Variants in NCF2 observed in about 807,000 individuals in gnomAD.
The protein encoded by NCF2 is neutrophil cytosolic factor 2.
Under a neutral mutation model 70.9 loss-of-function variants are expected in NCF2, and 45 were observed. That is an observed-to-expected ratio of 0.63 (90% CI 0.50 to 0.81). NCF2 has a LOEUF of 0.81. Ranked by LOEUF, NCF2 falls within the 40% of genes least tolerant of loss-of-function variation. NCF2 has a pLI of 0.00. For synonymous variants in NCF2, 203 were observed against 233.6 expected, an observed-to-expected ratio of 0.87 and a Z score of 1.19; for missense variants, 522 against 631.6, an observed-to-expected ratio of 0.83 and a Z score of 1.86.
chr1:183,567,242 C>G lies in NCF2; in HGVS notation c.817G>C (p.Gly273Arg). 4 of 1,614,174 alleles carry G rather than the reference C, an allele frequency of 2.5e-6. No homozygotes were observed. Among genetic ancestry groups the G allele is most frequent in the Non-Finnish European group, 3.4e-6 (4 of 1,180,024 alleles). ...ATGACCGTGGCCCAGTTATCATTGC[C>G]CTTCTTCAAGACAAAGACAATGTTC... ...PGNIVFVLKK[G>R]NDNWATVMFN... Residue 273 changes from glycine (G) to arginine (R), a missense_variant, in exon 8 of 15, where the codon GGC becomes CGC. Gly to Arg is a moderately radical substitution (Grantham distance 125). Transcript: ENST00000367535.
At chr1:183,598,677 G>T in the NCF2 span, among the ~76,000 whole-genome samples, 15 of 152,168 alleles carry the variant, frequency 9.9e-5, no homozygotes, top group Admixed American at 3.9e-4. Flanking sequence ...GGTGGAGATG[G>T]TGTCATTTTC....
At chr1:183,571,493 T>C (rs113692133) in intron 5 of NCF2, among the ~76,000 whole-genome samples, 15 of 152,318 alleles carry the variant, frequency 9.8e-5, no homozygotes, top group African/African-American at 3.1e-4. Context: ...TGCCTCTCTC[T>C]AATTCCAAAA....
At chr1:183,594,898 C>T (rs372755563), upstream of NCF2, among the ~76,000 whole-genome samples, 2 of 152,106 alleles carry the variant, frequency 1.3e-5, no homozygotes, top group Admixed American at 6.6e-5. Context: ...AGTGTTCTAT[C>T]GCTCTTTAAC....
chr1:183,558,216 A>G (rs1469967340), intron 14 of NCF2, among the ~76,000 whole-genome samples: 2 of 151,452 alleles, frequency 1.3e-5, no homozygotes, highest in East Asian at 3.9e-4. Flanking sequence ...CACTTGTTGT[A>G]TACTCTCTCT....
At chr1:183,556,561 TCTCA>T (rs1671792191) in intron 14 of NCF2, among the ~76,000 whole-genome samples, 1 of 152,162 alleles carries the variant, frequency 6.6e-6, no homozygotes, top group Non-Finnish European at 1.5e-5. Context: ...CTTGACAGGG[TCTCA>T]CTGTCACCCA....
At position 183,564,005 on chromosome 1, in the gene NCF2, C is replaced by T. The variant is rs1459123494; in HGVS notation, c.1026G>A (p.Lys342=). Residue 342 remains lysine (K), a splice_region_variant and synonymous_variant, in exon 11 of 15, where the codon AAG becomes AAA. Transcript: ENST00000367535. ...AAACAGTATGAGGGAAAAATGTTAC[C>T]TTAGGCTCTTCTTTTTGTTTCTGGC... ...SPGQKQKEEP[K]EVKLSVPMPY... The T allele has an allele frequency of 1.9e-6, 3 of 1,610,046 alleles. No homozygotes were observed. Among genetic ancestry groups the T allele is most frequent in the Non-Finnish European group, 2.6e-6 (3 of 1,176,388 alleles).
the NCF2 span, among the ~76,000 whole-genome samples, chr1:183,599,595 A>G: frequency 1.4e-5 from 2 of 147,890 alleles, no homozygotes; most frequent in Admixed American, 1.4e-4. Context: ...TGTGTCACCC[A>G]GGCTGGAATG....
At chr1:183,591,401 A>T (rs1340295118), upstream of NCF2, among the ~76,000 whole-genome samples, 4 of 151,860 alleles carry the variant, frequency 2.6e-5, no homozygotes, top group African/African-American at 9.7e-5. Context: ...GTTAGTGTTT[A>T]TCTTGAGCTG....
chr1:183,574,124 A>G (rs1236317745), intron 4 of NCF2, among the ~76,000 whole-genome samples: 3 of 152,218 alleles, frequency 2.0e-5, no homozygotes, highest in African/African-American at 7.2e-5. Context: ...GAGAGCTGTT[A>G]TGTGCCTAGC....
At position 183,561,779 on chromosome 1, in the gene NCF2, C is replaced by CTTTT. The variant is rs57218247; in HGVS notation, c.1290+1412_1290+1415dup. ...TTCAGGCATAAACCATACCAGGCCT[C>CTTTT]TTTTTTTTTTTTTTTTTTTTTTTTT... On this transcript the variant is annotated intron_variant, in intron 13 of 14. Transcript: ENST00000367535. Among the ~76,000 whole-genome samples, 7 of 65,162 alleles carry CTTTT rather than the reference C, an allele frequency of 1.1e-4. 1 individual carries two copies. The highest frequency in any genetic ancestry group is 3.7e-4 in the African/African-American group (5 of 13,680). The allele number at this position is 65,162 out of a possible 152,430, so 42.7% of individuals were successfully genotyped here.
upstream of NCF2, among the ~76,000 whole-genome samples, chr1:183,594,171 T>C (rs531420540): frequency 2.0e-4 from 31 of 152,254 alleles, no homozygotes; most frequent in South Asian, 6.0e-3. Flanking sequence ...ATCCCAACAC[T>C]TAGGTGGGAA....
intron 2 of NCF2, among the ~76,000 whole-genome samples, chr1:183,578,178 T>A (rs961777343): frequency 6.6e-6 from 1 of 152,074 alleles, no homozygotes; most frequent in Non-Finnish European, 1.5e-5. Context: ...GGGCCCCTTC[T>A]TATAGCTGCC....
At chr1:183,571,047 T>G (rs1047886471) in intron 5 of NCF2, among the ~76,000 whole-genome samples, 3 of 151,234 alleles carry the variant, frequency 2.0e-5, no homozygotes, top group Non-Finnish European at 4.4e-5. Context: ...TAACACAGGC[T>G]TGCTTTCTTC....
intron 2 of NCF2, among the ~76,000 whole-genome samples, chr1:183,582,094 T>TC (rs2102923235): frequency 6.6e-6 from 1 of 152,362 alleles, no homozygotes; most frequent in African/African-American, 2.4e-5. Context: ...TGAAGGGGGT[T>TC]CCGCTTTGAC....
Position 183,559,508 on chromosome 1 carries a change from T to C in NCF2, c.1468+588A>G, listed in dbSNP as rs570450559. 1.4e-4 allele frequency among the ~76,000 whole-genome samples: 22 copies of C among 152,338 alleles called. 2 individuals carry two copies. The South Asian group carries it at 4.6e-3, about 32-fold the overall frequency. ...GCAAAGTGATTCCAGCCCAATTTGT[T>C]ACCTCTGGGAATGAGAATCCATGGT... On this transcript the variant is annotated intron_variant, in intron 14 of 14. Coordinates refer to ENST00000367535, the MANE Select transcript of NCF2 (RefSeq NM_000433.4).
chr1:183,595,309 T>G (rs1392910825), upstream of NCF2, among the ~76,000 whole-genome samples: 5 of 152,178 alleles, frequency 3.3e-5, no homozygotes, highest in Non-Finnish European at 7.3e-5. Flanking sequence ...GGGGTCCTGT[T>G]GTTCAGCAAT....
In NCF2 at chr1:183,558,456, C is replaced by CA. The variant is rs200105496; in HGVS notation, c.1468+1639dup. Among the ~76,000 whole-genome samples the CA allele has an allele frequency of 7.9e-3, 1,189 of 150,222 alleles. 15 individuals carry two copies. The highest frequency in any genetic ancestry group is 0.028 in the African/African-American group (1,140 of 40,856). On this transcript the variant is annotated intron_variant, in intron 14 of 14. Coordinates refer to ENST00000367535, the MANE Select transcript of NCF2 (RefSeq NM_000433.4). ...CTAATTTTTGTATTTGTAGCAGAGA[C>CA]AGAGTTTCACCATGTTGGCCAGGCT...
At chr1:183,590,023 G>A (rs1241862905) in intron 1 of NCF2, 133 bp downstream of exon 1, 4 of 1,364,322 alleles carry the variant, frequency 2.9e-6, no homozygotes, top group Non-Finnish European at 4.2e-6. Context: ...AAATCAGGCT[G>A]TCTAGGGGTG....
At chr1:183,599,422 CCTTCTTTCT>C in the NCF2 span, among the ~76,000 whole-genome samples, 37 of 135,438 alleles carry the variant, frequency 2.7e-4, no homozygotes, top group African/African-American at 9.1e-4. Flanking sequence ...TTCTTTCTTT[CCTTCTTTCT>C]TTCTTTCTTT....
Sources: gnomAD v4.1 joint callset for allele counts (sites outside exome capture counted in the v4.1 genomes callset) on GRCh38, gnomAD v4.1.1 for gene constraint, MANE v1.5 for transcripts, NCBI Gene and HGNC (gene_info 2026-07-23, HGNC 2026-07-21) for gene names.